Variants in CADPS2 observed in about 807,000 individuals in gnomAD.
The protein encoded by CADPS2 is calcium-dependent secretion activator 2.
A neutral mutation model predicts 172.5 loss-of-function variants in CADPS2; 93 were observed. That is an observed-to-expected ratio of 0.54 (90% CI 0.46 to 0.64). CADPS2 has a LOEUF of 0.64. CADPS2 is among the 30% of genes least tolerant of loss of function. The pLI, the probability that CADPS2 is intolerant of heterozygous loss-of-function variation, is 0.00. For missense variants in CADPS2, 1,420 were observed against 1,565.9 expected (o/e 0.91, Z 1.57); for synonymous variants, 546 against 555.2 (o/e 0.98, Z 0.23).
Position 122,490,144 on chromosome 7 carries a change from G to A in CADPS2, c.1789C>T (p.Pro597Ser). The change falls in exon 11 of 30, where the codon CCT (proline) becomes TCT (serine). Residue 597 changes from proline to serine, a missense_variant. Transcript: ENST00000449022. ...RATGQSYKPV[P>S]AIQTQKLNPK... ...TTCAGTTTCTGGGTTTGAATTGCAG[G>A]AACTGGTTTATATGATTGACCTGTG... is the stretch of plus-strand genomic sequence containing the variant. 6.2e-7 allele frequency: 1 copy of A among 1,613,434 alleles called. No homozygotes were observed. Among genetic ancestry groups the A allele is most frequent in the Non-Finnish European group, 8.5e-7 (1 of 1,179,564 alleles).
At chr7:122,370,043 C>T (rs2041565942) in intron 25 of CADPS2, among the ~76,000 whole-genome samples, 1 of 152,152 alleles carries the variant, frequency 6.6e-6, no homozygotes, top group Non-Finnish European at 1.5e-5. Context: ...GCCCTGGTTT[C>T]TGCAGTTTCT....
intron 27 of CADPS2, among the ~76,000 whole-genome samples, chr7:122,353,405 A>G (rs1038863613): frequency 5.3e-5 from 8 of 152,096 alleles, no homozygotes; most frequent in African/African-American, 1.9e-4. Context: ...CTTAGGACAA[A>G]CCACCAAGAT....
At chr7:122,542,216 A>G (rs530360001) in intron 8 of CADPS2, among the ~76,000 whole-genome samples, 1 of 152,250 alleles carries the variant, frequency 6.6e-6, no homozygotes, top group African/African-American at 2.4e-5. Context: ...TCACACAGTG[A>G]TGAGGCTATA....
chr7:122,742,685 A>C (rs553478926), intron 1 of CADPS2, among the ~76,000 whole-genome samples: 1 of 152,290 alleles, frequency 6.6e-6, no homozygotes, highest in South Asian at 2.1e-4. Flanking sequence ...TATAATCAAC[A>C]AAAACTTCTA....
intron 6 of CADPS2, among the ~76,000 whole-genome samples, chr7:122,599,700 C>T (rs867891244): frequency 2.6e-5 from 4 of 152,048 alleles, no homozygotes; most frequent in African/African-American, 7.2e-5. Flanking sequence ...TCTTTCTAAA[C>T]TTGAAAGCTA....
chr7:122,859,993 C>A (rs1303328204), intron 1 of CADPS2, among the ~76,000 whole-genome samples: 1 of 152,038 alleles, frequency 6.6e-6, no homozygotes, highest in Non-Finnish European at 1.5e-5. Context: ...ATCCCTTTGT[C>A]AATGACAAAC....
At chr7:122,635,512 G>A (rs1256576621) in intron 3 of CADPS2, among the ~76,000 whole-genome samples, 1 of 148,580 alleles carries the variant, frequency 6.7e-6, no homozygotes, top group Non-Finnish European at 1.5e-5. Context: ...TCCCACCTAT[G>A]AGTGAGAATA....
At chr7:122,840,368 T>C (rs550931506) in intron 1 of CADPS2, among the ~76,000 whole-genome samples, 20 of 152,086 alleles carry the variant, frequency 1.3e-4, no homozygotes, top group African/African-American at 4.1e-4. Context: ...ACATGGCACA[T>C]GTATACATAT....
intron 4 of CADPS2, among the ~76,000 whole-genome samples, chr7:122,622,647 T>C (rs1191654298): frequency 2.0e-5 from 3 of 152,192 alleles, no homozygotes; most frequent in Non-Finnish European, 4.4e-5. Flanking sequence ...ACTTAGGTTT[T>C]CTCTCTTAAA....
chr7:122,720,041 C>T (rs2090173398), intron 2 of CADPS2, among the ~76,000 whole-genome samples: 1 of 152,026 alleles, frequency 6.6e-6, no homozygotes, highest in African/African-American at 2.4e-5. Context: ...GAATTAAATA[C>T]TGCAGTCTCC....
At chr7:122,495,699 C>T (rs906742564) in intron 9 of CADPS2, among the ~76,000 whole-genome samples, 5 of 152,158 alleles carry the variant, frequency 3.3e-5, no homozygotes, top group Non-Finnish European at 5.9e-5. Flanking sequence ...GTTGGGTGCA[C>T]AGATCTTCAT....
intron 3 of CADPS2, among the ~76,000 whole-genome samples, chr7:122,650,175 G>A (rs1445780469): frequency 6.6e-6 from 1 of 151,526 alleles, no homozygotes; most frequent in Non-Finnish European, 1.5e-5. Context: ...CTCCCAAAGT[G>A]CTGGGATTAC....
At chr7:122,758,344 T>C (rs1190208266) in intron 1 of CADPS2, among the ~76,000 whole-genome samples, 3 of 152,132 alleles carry the variant, frequency 2.0e-5, no homozygotes, top group Admixed American at 1.3e-4. Context: ...CTTTTAGAAG[T>C]TGAAGTAGAA....
chr7:122,638,838 T>C (rs911369821), intron 3 of CADPS2, among the ~76,000 whole-genome samples: 21 of 152,214 alleles, frequency 1.4e-4, no homozygotes, highest in Admixed American at 1.3e-3. Context: ...CATGTCCCAT[T>C]ACTCCCTTGA....
intron 14 of CADPS2, among the ~76,000 whole-genome samples, chr7:122,468,736 T>C (rs2055499302): frequency 6.6e-6 from 1 of 152,156 alleles, no homozygotes; most frequent in African/African-American, 2.4e-5. Flanking sequence ...GTGAAGATCT[T>C]TTGCCTCTTT....
chr7:122,372,298 C>T (rs2041861555), intron 25 of CADPS2, among the ~76,000 whole-genome samples: 1 of 152,118 alleles, frequency 6.6e-6, no homozygotes, highest in Non-Finnish European at 1.5e-5. Context: ...GTGGAAAAGT[C>T]ACAGAAATTT....
chr7:122,540,247 A>G (rs1261247888), intron 8 of CADPS2, among the ~76,000 whole-genome samples: 2 of 152,144 alleles, frequency 1.3e-5, no homozygotes, highest in South Asian at 4.1e-4. Context: ...TGCTAAAACT[A>G]AAAAATTTAG....
chr7:122,669,338 A>T (rs1039733755), intron 2 of CADPS2, among the ~76,000 whole-genome samples: 10 of 129,036 alleles, frequency 7.7e-5, no homozygotes, highest in East Asian at 2.2e-4. Flanking sequence ...CTAAAGAAAA[A>T]ATATATATAT....
At chr7:122,520,942 A>G (rs1282606891) in intron 8 of CADPS2, among the ~76,000 whole-genome samples, 1 of 152,164 alleles carries the variant, frequency 6.6e-6, no homozygotes, top group Admixed American at 6.6e-5. Flanking sequence ...TGGTGCCTGA[A>G]AAAAAGAACT....
Sources: allele counts gnomAD v4.1 joint callset (sites outside exome capture counted in the v4.1 genomes callset), GRCh38; gene constraint gnomAD v4.1.1; transcripts MANE v1.5; gene names NCBI Gene and HGNC (gene_info 2026-07-23, HGNC 2026-07-21).